PTPRG: variants seen among roughly 807,000 people sequenced by gnomAD.
PTPRG encodes the protein receptor-type tyrosine-protein phosphatase gamma.
A neutral mutation model predicts 165.3 loss-of-function variants in PTPRG; 102 were observed. The observed-to-expected ratio is 0.62, with a 90% CI of 0.53 to 0.73. The LOEUF is 0.73. Among genes scored for constraint, PTPRG ranks in the 30% least tolerant of loss-of-function variants. The pLI, the probability that PTPRG is intolerant of heterozygous loss-of-function variation, is 0.00. For missense variants in PTPRG, 1,866 were observed against 1,861.4 expected (o/e 1.00, Z -0.05); for synonymous variants, 675 against 669.5 (o/e 1.01, Z -0.13).
intron 6 of PTPRG, among the ~76,000 whole-genome samples, chr3:62,150,436 C>T (rs1037991507): frequency 1.3e-5 from 2 of 152,184 alleles, no homozygotes; most frequent in African/African-American, 2.4e-5. Context: ...AGAATCTCAG[C>T]TCTCATCCCA....
At chr3:61,679,162 C>A (rs1703339323) in intron 1 of PTPRG, among the ~76,000 whole-genome samples, 1 of 152,166 alleles carries the variant, frequency 6.6e-6, no homozygotes, top group Non-Finnish European at 1.5e-5. Context: ...TACAAACTCC[C>A]AAATGATACA....
chr3:62,129,154 G>A (rs888916385), intron 5 of PTPRG, among the ~76,000 whole-genome samples: 9 of 152,126 alleles, frequency 5.9e-5, no homozygotes, highest in African/African-American at 1.4e-4. Flanking sequence ...CTGGGGTCAC[G>A]TTCCTGAGCT....
At chr3:61,990,486 T>C in intron 3 of PTPRG, among the ~76,000 whole-genome samples, 1 of 152,242 alleles carries the variant, frequency 6.6e-6, no homozygotes, top group Non-Finnish European at 1.5e-5. Context: ...ATCGTCTTTT[T>C]ACCATTGCTA....
chr3:61,917,768 C>G (rs2038978049), intron 2 of PTPRG, among the ~76,000 whole-genome samples: 1 of 152,048 alleles, frequency 6.6e-6, no homozygotes, highest in African/African-American at 2.4e-5. Context: ...CGTGTCTTTA[C>G]TAAAAATACA....
chr3:62,291,606 A>C (rs1702900973), intron 28 of PTPRG, among the ~76,000 whole-genome samples: 1 of 152,160 alleles, frequency 6.6e-6, no homozygotes, highest in Admixed American at 6.6e-5. Flanking sequence ...TTTATGTAAC[A>C]ATTCAGAAAT....
chr3:61,924,689 AG>A (rs996122999), intron 2 of PTPRG, among the ~76,000 whole-genome samples: 1 of 152,218 alleles, frequency 6.6e-6, no homozygotes, highest in African/African-American at 2.4e-5. Flanking sequence ...CCTCTGGTCC[AG>A]GGGTCAGTAA....
chr3:61,939,943 T>G (rs2039575467), intron 2 of PTPRG, among the ~76,000 whole-genome samples: 3 of 113,892 alleles, frequency 2.6e-5, no homozygotes, highest in Non-Finnish European at 3.5e-5. Context: ...TTTTTTTTTT[T>G]TTTTTTTTTT....
At chr3:62,033,530 T>TG (rs1699840131) in intron 4 of PTPRG, among the ~76,000 whole-genome samples, 1 of 134,108 alleles carries the variant, frequency 7.5e-6, no homozygotes. Flanking sequence ...ATGCCTATCT[T>TG]CCCCCCCCCA....
At chr3:61,617,244 C>A (rs936684325) in intron 1 of PTPRG, among the ~76,000 whole-genome samples, 4 of 152,180 alleles carry the variant, frequency 2.6e-5, no homozygotes, top group African/African-American at 9.7e-5. Context: ...ATTACCCAGT[C>A]TACTATAGAG....
In PTPRG at chr3:61,860,434, C is replaced by CTTTTTT. The variant is rs766688465; in HGVS notation, c.190+111471_190+111476dup. 7.1e-4 allele frequency among the ~76,000 whole-genome samples: 68 copies of CTTTTTT among 95,534 alleles called. 1 individual carries two copies. Among genetic ancestry groups the CTTTTTT allele is most frequent in the Non-Finnish European group, 9.2e-4 (47 of 51,320 alleles). 62.7% of individuals were successfully genotyped at this position (95,534 alleles called of 152,430 possible). On this transcript the variant is annotated intron_variant, in intron 2 of 29. Coordinates refer to ENST00000474889, the MANE Select transcript of PTPRG (RefSeq NM_002841.4). ...GCTGTGCTTTTTTTTGTTTTTGTTC[C>CTTTTTT]TTTTTTTTTTTTTTTTTTTTTTTTG...
chr3:61,729,627 C>T (rs2032409022), intron 1 of PTPRG, among the ~76,000 whole-genome samples: 2 of 152,294 alleles, frequency 1.3e-5, no homozygotes, highest in South Asian at 2.1e-4. Flanking sequence ...TACTTTTACA[C>T]ATTCTTTGAT....
chr3:62,224,828 G>C lies in PTPRG; in HGVS notation c.2288+5845G>C, dbSNP rs1700725153. 6.6e-6 allele frequency among the ~76,000 whole-genome samples: 1 copy of C among 152,160 alleles called. No homozygotes were observed. ...AATGTTTTTAGCTGAGCTGTTTCAG[G>C]TAGGACACTATAGTTCTCCCTTGAA... On this transcript the variant is annotated intron_variant, in intron 13 of 29. Coordinates refer to ENST00000474889, the MANE Select transcript of PTPRG (RefSeq NM_002841.4). The surrounding 1 kb of genome is among the most constrained non-coding windows in gnomAD (Gnocchi z 4.9).
At chr3:62,145,549 G>T (rs1224653174) in intron 6 of PTPRG, among the ~76,000 whole-genome samples, 1 of 152,132 alleles carries the variant, frequency 6.6e-6, no homozygotes, top group Non-Finnish European at 1.5e-5. Context: ...AGATGATGAT[G>T]ATGATGATGA....
Position 62,294,324 on chromosome 3 carries a change from A to C in PTPRG, c.*1017A>C, listed in dbSNP as rs1475459453. The C allele has an allele frequency of 1.3e-5, 2 of 152,116 alleles. No individual in the cohort carries two copies. Among genetic ancestry groups the C allele is most frequent in the Non-Finnish European group, 2.9e-5 (2 of 67,996 alleles). 9.4% of individuals were successfully genotyped at this position (152,116 alleles called of 1,614,324 possible). ...ACTGTTTTCTTTCCTTCTTTGCCAA[A>C]TGTTTTATAATAAATCTCTTAATTA... On this transcript the variant is annotated 3_prime_UTR_variant, in exon 30 of 30. Coordinates refer to ENST00000474889, the MANE Select transcript of PTPRG (RefSeq NM_002841.4).
intron 1 of PTPRG, among the ~76,000 whole-genome samples, chr3:61,570,496 C>G (rs1228999856): frequency 6.6e-6 from 1 of 152,154 alleles, no homozygotes; most frequent in African/African-American, 2.4e-5. Context: ...TACTGTCTTT[C>G]TAAGTGAGTG....
At chr3:61,768,951 A>G (rs1278198039) in intron 2 of PTPRG, among the ~76,000 whole-genome samples, 1 of 152,160 alleles carries the variant, frequency 6.6e-6, no homozygotes, top group Non-Finnish European at 1.5e-5. Context: ...TGATTCACAC[A>G]CCTCCTATGA....
chr3:62,207,895 C>G (rs916238029), intron 12 of PTPRG, among the ~76,000 whole-genome samples: 1 of 152,138 alleles, frequency 6.6e-6, no homozygotes, highest in Non-Finnish European at 1.5e-5. Context: ...AATTAAAGAG[C>G]ACATGACTTT....
Position 62,243,885 on chromosome 3 carries a change from T to C in PTPRG, c.2454T>C (p.Ile818=), listed in dbSNP as rs1209278907. The change falls in exon 15 of 30, where the codon ATT becomes ATC. Residue 818 remains isoleucine (I), a synonymous_variant. Coordinates refer to ENST00000474889, the MANE Select transcript of PTPRG (RefSeq NM_002841.4). ...TGGTCCCTAATGAAAGTATCCCTATTATTCCTATTCCGGGTAAGTAAGACA... is the reference window on the plus strand; with the variant it reads ...TGGTCCCTAATGAAAGTATCCCTATCATTCCTATTCCGGGTAAGTAAGACA... The part of the protein sequence containing the change: ...PRVVPNESIP[I]IPIPDDMEAI... The C allele has an allele frequency of 1.9e-6, 3 of 1,539,232 alleles. No homozygotes were observed. The highest frequency in any genetic ancestry group is 2.7e-5 in the African/African-American group (2 of 73,104).
intron 2 of PTPRG, among the ~76,000 whole-genome samples, chr3:61,845,125 A>G (rs652936): frequency 0.17 from 26,126 of 152,138 alleles, 2,314 homozygotes; most frequent in African/African-American, 0.22. Context: ...CCAGCAACCT[A>G]CCTTAAGCAT....
Sources: allele counts gnomAD v4.1 joint callset (sites outside exome capture counted in the v4.1 genomes callset), GRCh38; gene constraint gnomAD v4.1.1; non-coding constraint Gnocchi (gnomAD v3.1); transcripts MANE v1.5; gene names NCBI Gene and HGNC (gene_info 2026-07-23, HGNC 2026-07-21).